RAI14: variants seen among roughly 807,000 people sequenced by gnomAD.
RAI14 encodes the protein ankycorbin.
RAI14 carries 45 observed loss-of-function variants against 115.4 expected under a neutral mutation model. The observed-to-expected ratio is 0.39, with a 90% confidence interval of 0.31 to 0.50. RAI14 has a LOEUF of 0.50. Among genes scored for constraint, RAI14 ranks in the 20% least tolerant of loss-of-function variants. RAI14 has a pLI of 0.85. For synonymous variants in RAI14, 371 were observed against 415.4 expected (o/e 0.89, Z 1.30); for missense variants, 939 against 1,131.2 (o/e 0.83, Z 2.44).
At chr5:34,742,506 C>T (rs747058686) in intron 2 of RAI14, among the ~76,000 whole-genome samples, 5 of 151,914 alleles carry the variant, frequency 3.3e-5, no homozygotes, top group East Asian at 1.9e-4. Flanking sequence ...AGAAACATTG[C>T]GGTAAACAAT....
At chr5:34,750,848 A>ATTTTCT (rs1746894821) in intron 2 of RAI14, among the ~76,000 whole-genome samples, 1 of 83,638 alleles carries the variant, frequency 1.2e-5, no homozygotes, top group Non-Finnish European at 2.1e-5. Flanking sequence ...TTGCTTTATC[A>ATTTTCT]TTTTTTTTTT....
chr5:34,782,646 C>G (rs1751805297), intron 3 of RAI14, among the ~76,000 whole-genome samples: 1 of 152,156 alleles, frequency 6.6e-6, no homozygotes, highest in Admixed American at 6.5e-5. Flanking sequence ...ATAGTGTCTA[C>G]AAATCCTTAT....
At chr5:34,755,561 G>A (rs1747778864) in intron 2 of RAI14, among the ~76,000 whole-genome samples, 1 of 152,156 alleles carries the variant, frequency 6.6e-6, no homozygotes, top group Non-Finnish European at 1.5e-5. Context: ...TAGGAGGACT[G>A]TCTCATGCAT....
chr5:34,699,780 G>C (rs1367230186), intron 2 of RAI14, among the ~76,000 whole-genome samples: 1 of 152,180 alleles, frequency 6.6e-6, no homozygotes. Context: ...GGTGCACACG[G>C]GTGTTTGCTG....
chr5:34,721,753 C>G (rs1742783782), intron 2 of RAI14, among the ~76,000 whole-genome samples: 1 of 152,254 alleles, frequency 6.6e-6, no homozygotes, highest in South Asian at 2.1e-4. Context: ...CCCTGTCACC[C>G]AGGCTGGAAT....
chr5:34,773,137 A>G (rs1344307024), intron 3 of RAI14, among the ~76,000 whole-genome samples: 1 of 152,180 alleles, frequency 6.6e-6, no homozygotes, highest in Non-Finnish European at 1.5e-5. Context: ...CTTTGAAACA[A>G]TGGGTGCCTT....
intron 4 of RAI14, among the ~76,000 whole-genome samples, chr5:34,799,978 C>G (rs1394830307): frequency 1.3e-5 from 2 of 152,150 alleles, no homozygotes; most frequent in Admixed American, 6.5e-5. Flanking sequence ...TGAGCCACCA[C>G]GCCCGGCCAG....
intron 7 of RAI14, among the ~76,000 whole-genome samples, chr5:34,809,322 T>G (rs1755310062): frequency 6.6e-6 from 1 of 152,232 alleles, no homozygotes; most frequent in Non-Finnish European, 1.5e-5. Context: ...TAGTGGTATT[T>G]CCATTTACAA....
intron 4 of RAI14, among the ~76,000 whole-genome samples, chr5:34,799,448 A>T (rs1753920195): frequency 6.6e-6 from 1 of 150,982 alleles, no homozygotes; most frequent in Non-Finnish European, 1.5e-5. Context: ...TGTTACCATA[A>T]ATCCTGCCCT....
At chr5:34,670,998 A>G (rs1266815666) in intron 1 of RAI14, among the ~76,000 whole-genome samples, 1 of 152,244 alleles carries the variant, frequency 6.6e-6, no homozygotes, top group African/African-American at 2.4e-5. Context: ...TAACAGGGTA[A>G]TAATTTTTTG....
intron 3 of RAI14, among the ~76,000 whole-genome samples, chr5:34,787,437 C>A (rs894417627): frequency 6.6e-6 from 1 of 152,192 alleles, no homozygotes. Flanking sequence ...ATGCATACTG[C>A]AACATGGATG....
At chr5:34,715,245 G>A (rs986046873) in intron 2 of RAI14, among the ~76,000 whole-genome samples, 6 of 152,098 alleles carry the variant, frequency 3.9e-5, no homozygotes, top group African/African-American at 7.2e-5. Context: ...TGGTGTCACC[G>A]TTTTTATACC....
At chr5:34,708,252 G>C (rs1014723354) in intron 2 of RAI14, among the ~76,000 whole-genome samples, 2 of 151,152 alleles carry the variant, frequency 1.3e-5, no homozygotes, top group Admixed American at 6.6e-5. Flanking sequence ...GCCCAGGCTG[G>C]GGTGCAATGG....
At chr5:34,817,408 A>G (rs759418028) in intron 12 of RAI14, among the ~76,000 whole-genome samples, 8 of 152,324 alleles carry the variant, frequency 5.3e-5, no homozygotes, top group Middle Eastern at 3.4e-3. Flanking sequence ...CTAAAATGGT[A>G]TAACTATTAC....
intron 2 of RAI14, among the ~76,000 whole-genome samples, chr5:34,711,304 C>T (rs1006757268): frequency 1.1e-4 from 16 of 150,798 alleles, no homozygotes; most frequent in African/African-American, 1.7e-4. Flanking sequence ...AATGTTTTGC[C>T]GGCAGGGGGT....
intron 1 of RAI14, among the ~76,000 whole-genome samples, chr5:34,670,625 A>G (rs1203829906): frequency 6.6e-6 from 1 of 152,200 alleles, no homozygotes. Flanking sequence ...CTATAGCAAT[A>G]AAGAGAGGTT....
chr5:34,830,782 G>C lies in RAI14; in HGVS notation c.*17G>C, dbSNP rs1580393044. 6.2e-7 allele frequency: 1 copy of C among 1,613,788 alleles called. No individual in the cohort carries two copies. The highest frequency in any genetic ancestry group is 8.5e-7 in the Non-Finnish European group (1 of 1,179,812). On this transcript the variant is annotated 3_prime_UTR_variant, in exon 18 of 18. Coordinates refer to ENST00000265109, the MANE Select transcript of RAI14 (RefSeq NM_015577.3). ...AAGAAGTAAAGTGGATTCCTTGGCAGGACACTGCCCCTTGTCATCTGTCTT... is the reference window on the plus strand; with the variant it reads ...AAGAAGTAAAGTGGATTCCTTGGCACGACACTGCCCCTTGTCATCTGTCTT...
chr5:34,823,209 A>T lies in RAI14; in HGVS notation c.1367A>T (p.Gln456Leu), dbSNP rs769564625. 1.9e-6 allele frequency: 3 copies of T among 1,614,100 alleles called. No homozygotes were observed. In the South Asian group the frequency reaches 3.3e-5, roughly 18 times the overall value. Reference sequence around the variant, plus strand: ...TCTGAAGCAGAGAGAAAACAGCTACAGGTCGAACTCCAATCCCGAAGGGCA... The same window carrying T: ...TCTGAAGCAGAGAGAAAACAGCTACTGGTCGAACTCCAATCCCGAAGGGCA... ...ESSEAERKQLQVELQSRRAEL... is the reference protein window; with the variant it reads ...ESSEAERKQLLVELQSRRAEL... The change falls in exon 15 of 18, where the codon CAG becomes CTG. Residue 456 changes from glutamine (Q) to leucine (L), a missense_variant. Gln to Leu is a moderately radical substitution (Grantham distance 113). Transcript: ENST00000265109. The surrounding 1 kb of genome is among the most constrained non-coding windows in gnomAD (Gnocchi z 4.5).
intron 1 of RAI14, among the ~76,000 whole-genome samples, chr5:34,674,591 T>TTG (rs1743845595): frequency 6.6e-6 from 1 of 151,422 alleles, no homozygotes; most frequent in African/African-American, 2.4e-5. Context: ...CTTTTGTTTT[T>TTG]TTTTTTTTTT....
Sources: gnomAD v4.1 joint callset for allele counts (sites outside exome capture counted in the v4.1 genomes callset) on GRCh38, gnomAD v4.1.1 for gene constraint, Gnocchi (gnomAD v3.1) non-coding constraint, MANE v1.5 for transcripts, NCBI Gene and HGNC (gene_info 2026-07-23, HGNC 2026-07-21) for gene names.